SMC5: variants seen among roughly 807,000 people sequenced by gnomAD.
The protein encoded by SMC5 is structural maintenance of chromosomes 5, also known as structural maintenance of chromosomes protein 5.
Under a neutral mutation model 148.3 loss-of-function variants are expected in SMC5, and 88 were observed. That is an observed-to-expected ratio of 0.59 (90% confidence interval 0.50 to 0.71). The LOEUF is 0.71. Ranked by LOEUF, SMC5 falls within the 30% of genes least tolerant of loss-of-function variation. The pLI, the probability that SMC5 is intolerant of heterozygous loss-of-function variation, is 0.00. For missense variants in SMC5, 1,142 were observed against 1,298.9 expected (o/e 0.88, Z 1.86); for synonymous variants, 421 against 432.8 (o/e 0.97, Z 0.34).
intron 5 of SMC5, among the ~76,000 whole-genome samples, chr9:70,280,049 G>A (rs1472966941): frequency 6.6e-6 from 1 of 151,968 alleles, no homozygotes; most frequent in Non-Finnish European, 1.5e-5. Context: ...ACCAGACAGG[G>A]AAAAAAATGT....
chr9:70,347,204 C>T (rs1236619530), intron 20 of SMC5, 43 bp downstream of exon 20: 1 of 1,512,172 alleles, frequency 6.6e-7, no homozygotes, highest in Admixed American at 1.7e-5. Flanking sequence ...CAACCACCAC[C>T]ACCACCCTCC....
chr9:70,264,348 T>C lies in SMC5; in HGVS notation c.230T>C (p.Met77Thr), dbSNP rs142274911. The C allele has an allele frequency of 2.5e-6, 4 of 1,613,928 alleles. No homozygotes were observed. The African/African-American group carries it at 5.3e-5, about 22-fold the overall frequency. ...GTATCTCCTGGACCCCACTTGAATA[T>C]GATCGTTGGAGCCAATGGAACAGGG... The part of the protein sequence containing the change: ...CEVSPGPHLN[M>T]IVGANGTGKS... Residue 77 changes from methionine to threonine, a missense_variant, in exon 2 of 25, where the codon ATG becomes ACG. This residue lies in a region of SMC5 where 297 missense variants were observed against 302.6 expected (regional missense o/e 0.98). Coordinates refer to ENST00000361138, the MANE Select transcript of SMC5 (RefSeq NM_015110.4).
chr9:70,317,136 C>G (rs2035823969), intron 13 of SMC5, among the ~76,000 whole-genome samples: 1 of 152,008 alleles, frequency 6.6e-6, no homozygotes, highest in African/African-American at 2.4e-5. Context: ...AGATATAAAC[C>G]TTTATTGAGG....
At chr9:70,289,999 G>C (rs748086432) in intron 8 of SMC5, among the ~76,000 whole-genome samples, 7 of 152,022 alleles carry the variant, frequency 4.6e-5, no homozygotes, top group Non-Finnish European at 7.4e-5. Flanking sequence ...ATGCTCAAAG[G>C]AAATGCACTT....
At chr9:70,352,109 C>A in intron 24 of SMC5, 82 bp from the exon 25 acceptor site, 2 of 1,231,894 alleles carry the variant, frequency 1.6e-6, no homozygotes, top group Non-Finnish European at 1.1e-6. Flanking sequence ...TAAAATAATA[C>A]ATTTGACTGT....
chr9:70,298,330 T>A, intron 9 of SMC5, 109 bp downstream of exon 9: 1 of 1,230,398 alleles, frequency 8.1e-7, no homozygotes, highest in Non-Finnish European at 1.1e-6. Context: ...CAAGTTGCCT[T>A]CTTGAGGAAG....
chr9:70,260,607 A>G (rs970677931), intron 1 of SMC5, among the ~76,000 whole-genome samples: 1 of 152,226 alleles, frequency 6.6e-6, no homozygotes, highest in Non-Finnish European at 1.5e-5. Context: ...CAGCTGTTAC[A>G]TAGTTGCATT....
At chr9:70,326,996 G>GAA (rs1346127614) in intron 17 of SMC5, among the ~76,000 whole-genome samples, 1 of 151,992 alleles carries the variant, frequency 6.6e-6, no homozygotes, top group African/African-American at 2.4e-5. Context: ...CAGCATAAGA[G>GAA]AAAAGGGATT....
At chr9:70,322,432 G>A (rs1451936588) in intron 15 of SMC5, among the ~76,000 whole-genome samples, 1 of 152,340 alleles carries the variant, frequency 6.6e-6, no homozygotes, top group East Asian at 1.9e-4. Flanking sequence ...GACTACTGCA[G>A]TGGTGACCTA....
rs1425553283 is a variant in SMC5, at chr9:70,282,400, T to A, written c.820-22T>A. 4 of 1,571,410 alleles carry A rather than the reference T, an allele frequency of 2.5e-6. No individual in the cohort carries two copies. In the East Asian group the frequency reaches 9.3e-5, roughly 37 times the overall value. ...TAGTTTAAGGTAGGGCATTAACTTC[T>A]GTTTGTTGAATTATTTGCAAGGAAT... On this transcript the variant is annotated intron_variant, in intron 6 of 24. Transcript: ENST00000361138.
intron 15 of SMC5, among the ~76,000 whole-genome samples, chr9:70,322,345 G>C (rs576852435): frequency 6.6e-6 from 1 of 152,278 alleles, no homozygotes; most frequent in East Asian, 1.9e-4. Flanking sequence ...TCCTCGTAAA[G>C]TAATGTTGAT....
intron 12 of SMC5, among the ~76,000 whole-genome samples, chr9:70,315,222 A>G (rs1202981154): frequency 1.3e-5 from 2 of 152,034 alleles, no homozygotes; most frequent in East Asian, 3.8e-4. Flanking sequence ...TAAACATAAT[A>G]GAAGAAATTT....
rs1251409093 is a variant in SMC5, at chr9:70,350,134, A to C, written c.2910A>C (p.Gly970=). ...TATAGGAAGATTATGATAAATATGGAATTCGAATTAGAGTCAAATTTCGAA... is the reference window on the plus strand; with the variant it reads ...TATAGGAAGATTATGATAAATATGGCATTCGAATTAGAGTCAAATTTCGAA... ...TENEEDYDKY[G]IRIRVKFRSS... is the part of the protein sequence containing the mutation. The change falls in exon 23 of 25, where the codon GGA becomes GGC. Residue 970 remains glycine (G), a synonymous_variant. Transcript: ENST00000361138. The C allele has an allele frequency of 1.9e-6, 3 of 1,606,476 alleles. No homozygotes were observed. The Admixed American group carries it at 5.1e-5, about 27-fold the overall frequency.
intron 7 of SMC5, among the ~76,000 whole-genome samples, chr9:70,282,807 A>C (rs897467780): frequency 6.6e-6 from 1 of 152,164 alleles, no homozygotes; most frequent in Non-Finnish European, 1.5e-5. Context: ...AGAAAAGTGA[A>C]ATATGATTTT....
At chr9:70,279,323 C>A (rs958696673) in intron 5 of SMC5, among the ~76,000 whole-genome samples, 2 of 151,840 alleles carry the variant, frequency 1.3e-5, no homozygotes, top group Non-Finnish European at 2.9e-5. Flanking sequence ...TGAGACCAGC[C>A]TAGGCAACAG....
At chr9:70,315,341 G>A (rs1362639187) in intron 12 of SMC5, 105 bp from the exon 13 acceptor site, 2 of 659,220 alleles carry the variant, frequency 3.0e-6, no homozygotes, top group Non-Finnish European at 4.7e-6. Flanking sequence ...TGTCATTGTT[G>A]AAATAATGTA....
chr9:70,313,562 A>G (rs1300457652), intron 11 of SMC5, among the ~76,000 whole-genome samples: 1 of 152,050 alleles, frequency 6.6e-6, no homozygotes, highest in African/African-American at 2.4e-5. Context: ...CAATGGCATG[A>G]TCTTGGCTAA....
chr9:70,277,133 A>T (rs776428138), intron 3 of SMC5, among the ~76,000 whole-genome samples, 177 bp from the exon 4 acceptor site: 1 of 152,206 alleles, frequency 6.6e-6, no homozygotes, highest in African/African-American at 2.4e-5. Flanking sequence ...CAATTATGGC[A>T]TTATGACTAA....
intron 15 of SMC5, among the ~76,000 whole-genome samples, chr9:70,322,871 G>T (rs1387627604): frequency 6.6e-6 from 1 of 151,950 alleles, no homozygotes. Context: ...TTCTACAGTT[G>T]CTACATGAAA....
Sources: allele counts gnomAD v4.1 joint callset (sites outside exome capture counted in the v4.1 genomes callset), GRCh38; gene constraint gnomAD v4.1.1; regional missense constraint gnomAD v4.1.1; transcripts MANE v1.5; gene names NCBI Gene and HGNC (gene_info 2026-07-23, HGNC 2026-07-21).